The following SEPTIN9 variants were observed in gnomAD, a reference collection of about 807,000 sequenced individuals.
The protein encoded by SEPTIN9 is septin-9.
A neutral mutation model predicts 56.6 loss-of-function variants in SEPTIN9; 13 were observed. The ratio of observed to expected loss-of-function variants is 0.23; its 90% CI spans 0.15 to 0.37. The LOEUF is 0.37. SEPTIN9 is among the 10% of genes least tolerant of loss of function. The probability of loss-of-function intolerance (pLI) is 1.00; values close to 1 mark genes in which losing one functional copy is unlikely to be tolerated. For synonymous variants in SEPTIN9, 332 were observed against 334.1 expected, an observed-to-expected ratio of 0.99 and a Z score of 0.07; for missense variants, 650 against 823.1, an observed-to-expected ratio of 0.79 and a Z score of 2.57.
At chr17:77,401,902 T>C (rs1359094692) in intron 2 of SEPTIN9, among the ~76,000 whole-genome samples, 157 bp from the exon 3 acceptor site, 1 of 152,106 alleles carries the variant, frequency 6.6e-6, no homozygotes, top group African/African-American at 2.4e-5. Flanking sequence ...AGGATGGGGC[T>C]GTCCCTTCCG....
chr17:77,318,905 G>A lies in SEPTIN9; in HGVS notation c.76+11708G>A, dbSNP rs2032801119. 6.6e-6 allele frequency among the ~76,000 whole-genome samples: 1 copy of A among 152,304 alleles called. No individual in the cohort carries two copies. Among genetic ancestry groups the A allele is most frequent in the East Asian group, 1.9e-4 (1 of 5,180 alleles). ...GCGGGGTGTGTCGAGGTAGAGGGGT[G>A]CAAATATTGTAAATTTGTTGGGGGC... On this transcript the variant is annotated intron_variant, in intron 2 of 11. Coordinates refer to ENST00000427177, the MANE Select transcript of SEPTIN9 (RefSeq NM_001113491.2). This position sits in a 1 kb window ranked among gnomAD's most constrained non-coding sequence, Gnocchi z 4.9.
At chr17:77,384,038 A>G (rs994979592) in intron 2 of SEPTIN9, among the ~76,000 whole-genome samples, 1 of 152,186 alleles carries the variant, frequency 6.6e-6, no homozygotes. Flanking sequence ...AGAGGGGACA[A>G]TGATGGGCAA....
At chr17:77,355,683 G>T (rs921229017) in intron 2 of SEPTIN9, among the ~76,000 whole-genome samples, 1 of 152,052 alleles carries the variant, frequency 6.6e-6, no homozygotes, top group Non-Finnish European at 1.5e-5. Context: ...CTCCGCAGAG[G>T]TCTTAGAAGT....
chr17:77,498,401 A>T (rs535345636), intron 11 of SEPTIN9, 122 bp from the exon 12 acceptor site: 17 of 668,400 alleles, frequency 2.5e-5, no homozygotes, highest in Admixed American at 1.8e-4. Context: ...AGCAGTCGGG[A>T]TGGGGAGTGG....
chr17:77,486,115 C>T (rs926603044), intron 4 of SEPTIN9, among the ~76,000 whole-genome samples: 3 of 151,668 alleles, frequency 2.0e-5, no homozygotes, highest in Admixed American at 6.6e-5. Flanking sequence ...CTCGCCTGGC[C>T]GATTTTTGTT....
chr17:77,469,467 G>A (rs2038885954), intron 3 of SEPTIN9: 1 of 152,250 alleles, frequency 6.6e-6, no homozygotes, highest in Non-Finnish European at 1.5e-5. Context: ...CAAGTCCAGA[G>A]ATGCATCTGA....
rs745711033 is a variant in SEPTIN9 at position 77,445,210 on chromosome 17, G to A, written c.722-36934G>A. The stretch of plus-strand genomic sequence containing the variant: ...AGGTTGGTCTGTGGGTAGAAATGTG[G>A]GCTGCCTCGGGGCGTCACAGCTACA... On this transcript the variant is annotated intron_variant, in intron 3 of 11. Coordinates refer to ENST00000427177, the MANE Select transcript of SEPTIN9 (RefSeq NM_001113491.2). The surrounding 1 kb of genome is among the most constrained non-coding windows in gnomAD (Gnocchi z 4.7). The A allele has an allele frequency of 1.5e-4, 70 of 470,902 alleles. No individual in the cohort carries two copies. Among genetic ancestry groups the A allele is most frequent in the Middle Eastern group, 3.2e-4 (1 of 3,100 alleles). 29.2% of individuals were successfully genotyped at this position (470,902 alleles called of 1,614,324 possible).
chr17:77,353,042 T>C (rs2034114256), intron 2 of SEPTIN9, among the ~76,000 whole-genome samples: 1 of 152,214 alleles, frequency 6.6e-6, no homozygotes, highest in African/African-American at 2.4e-5. Flanking sequence ...TCAAAGACCC[T>C]ATGTCCATAT....
Position 77,423,452 on chromosome 17 carries a change from G to A in SEPTIN9, c.721+20749G>A, listed in dbSNP as rs373899677. Among the ~76,000 whole-genome samples, 302 of 152,328 alleles carry A rather than the reference G, an allele frequency of 2.0e-3. 10 individuals are homozygous for A. The South Asian group carries it at 0.051, about 25-fold the overall frequency. ...CATCTCTCACCCCCACCCAGATGGC[G>A]GCCTGGAGGCAGCGTTTCTGACCCT... On this transcript the variant is annotated intron_variant, in intron 3 of 11. Coordinates refer to ENST00000427177, the MANE Select transcript of SEPTIN9 (RefSeq NM_001113491.2).
intron 1 of SEPTIN9, among the ~76,000 whole-genome samples, chr17:77,292,989 CATTTATTTATTTATTTATTT>C (rs138504683): frequency 1.7e-4 from 20 of 116,258 alleles, no homozygotes; most frequent in African/African-American, 5.3e-4. Flanking sequence ...ACCGCTTGAG[CATTTATTTATTTATTTATTT>C]ATTTATTTAT....
intron 2 of SEPTIN9, among the ~76,000 whole-genome samples, chr17:77,339,902 C>G (rs546925486): frequency 2.7e-5 from 4 of 149,538 alleles, no homozygotes; most frequent in Admixed American, 2.0e-4. Flanking sequence ...CTCAGCTCAC[C>G]GCAGCCTCCG....
chr17:77,359,169 C>T (rs959973775), intron 2 of SEPTIN9, among the ~76,000 whole-genome samples: 1 of 152,176 alleles, frequency 6.6e-6, no homozygotes. Flanking sequence ...TATGGCCGCT[C>T]CTGTCATCAG....
intron 8 of SEPTIN9, among the ~76,000 whole-genome samples, chr17:77,491,814 A>G (rs2040042323): frequency 6.7e-6 from 1 of 150,308 alleles, no homozygotes; most frequent in South Asian, 2.1e-4. Context: ...TCAAAAAAAA[A>G]AAAAAAAAAA....
At chr17:77,321,304 G>A (rs912529835) in intron 2 of SEPTIN9, among the ~76,000 whole-genome samples, 1 of 151,952 alleles carries the variant, frequency 6.6e-6, no homozygotes, top group Non-Finnish European at 1.5e-5. Flanking sequence ...GTGTGTGTTG[G>A]GGGGTCCCTG....
chr17:77,293,494 G>A (rs1460025421), intron 1 of SEPTIN9, among the ~76,000 whole-genome samples: 1 of 152,166 alleles, frequency 6.6e-6, no homozygotes, highest in Non-Finnish European at 1.5e-5. Flanking sequence ...GGACTTAAAG[G>A]CGGGGAACTA....
chr17:77,325,297 G>A (rs1353787683), intron 2 of SEPTIN9, among the ~76,000 whole-genome samples: 1 of 152,192 alleles, frequency 6.6e-6, no homozygotes, highest in Non-Finnish European at 1.5e-5. Flanking sequence ...GGTCTTTGAT[G>A]CAAGTTGAGT....
chr17:77,497,610 G>C, intron 11 of SEPTIN9: 1 of 588,088 alleles, frequency 1.7e-6, no homozygotes, highest in South Asian at 1.9e-5. Context: ...GGAAGGCTGA[G>C]CTTTGATCCA....
chr17:77,332,129 TAGTC>T (rs2033388895), intron 2 of SEPTIN9, among the ~76,000 whole-genome samples: 1 of 151,858 alleles, frequency 6.6e-6, no homozygotes, highest in Non-Finnish European at 1.5e-5. Context: ...TACAAAAAAT[TAGTC>T]AGGCATGGTG....
In SEPTIN9 at chr17:77,389,647, C is replaced by T. The variant is rs2144025316; in HGVS notation, c.77-12412C>T. 6.6e-6 allele frequency among the ~76,000 whole-genome samples: 1 copy of T among 152,156 alleles called. No individual in the cohort carries two copies. The highest frequency in any genetic ancestry group is 6.5e-5 in the Admixed American group (1 of 15,308). On this transcript the variant is annotated intron_variant, in intron 2 of 11. Transcript: ENST00000427177. This position sits in a 1 kb window ranked among gnomAD's most constrained non-coding sequence, Gnocchi z 4.3. ...CCCCCAGGCAGGCCACACCTAGACCCTCCCACACAGATCCGTCCCACCCTT... is the reference window on the plus strand; with the variant it reads ...CCCCCAGGCAGGCCACACCTAGACCTTCCCACACAGATCCGTCCCACCCTT...
Sources: allele counts gnomAD v4.1 joint callset (sites outside exome capture counted in the v4.1 genomes callset), GRCh38; gene constraint gnomAD v4.1.1; non-coding constraint Gnocchi (gnomAD v3.1); transcripts MANE v1.5; gene names NCBI Gene and HGNC (gene_info 2026-07-23, HGNC 2026-07-21).